CENPW: variants seen among roughly 807,000 people sequenced by gnomAD.
CENPW encodes the protein centromere protein W.
Under a neutral mutation model 11.1 loss-of-function variants are expected in CENPW, and 3 were observed. That is an observed-to-expected ratio of 0.27 (90% confidence interval 0.12 to 0.70). The LOEUF (loss-of-function observed/expected upper bound fraction) is 0.70, where lower values mean the gene tolerates loss of function less well. Among genes scored for constraint, CENPW ranks in the 30% least tolerant of loss-of-function variants. The pLI is 0.77. For synonymous variants in CENPW, 38 were observed against 42.0 expected (o/e 0.91, Z 0.37); for missense variants, 100 against 105.6 (o/e 0.95, Z 0.23).
the CENPW span, among the ~76,000 whole-genome samples, chr6:126,365,935 T>C: frequency 6.6e-5 from 10 of 152,234 alleles, no homozygotes; most frequent in African/African-American, 2.4e-4. Flanking sequence ...AAGCAGTTTG[T>C]TCTTAGTGGG....
At chr6:126,417,883 T>C in the CENPW span, among the ~76,000 whole-genome samples, 3 of 152,360 alleles carry the variant, frequency 2.0e-5, no homozygotes, top group East Asian at 5.8e-4. Context: ...TAAAGACATG[T>C]ATCCAGAATA....
chr6:126,434,147 A>G, the CENPW span, among the ~76,000 whole-genome samples: 7 of 152,114 alleles, frequency 4.6e-5, no homozygotes, highest in Non-Finnish European at 7.4e-5. Flanking sequence ...GTTCCAGGAA[A>G]TTCACATTTG....
the CENPW span, among the ~76,000 whole-genome samples, chr6:126,382,730 C>A: frequency 6.6e-6 from 1 of 151,784 alleles, no homozygotes; most frequent in East Asian, 1.9e-4. Flanking sequence ...AGATAGTTAA[C>A]AAGAATAAAA....
the CENPW span, among the ~76,000 whole-genome samples, chr6:126,401,880 T>G: frequency 6.6e-6 from 1 of 152,076 alleles, no homozygotes. Flanking sequence ...TGTTCTATAC[T>G]CTCAGCTGGT....
the CENPW span, among the ~76,000 whole-genome samples, chr6:126,388,516 C>A: frequency 6.6e-6 from 1 of 151,980 alleles, no homozygotes; most frequent in African/African-American, 2.4e-5. Context: ...GGATAACACA[C>A]AGGACATTTG....
At chr6:126,465,225 T>G in the CENPW span, among the ~76,000 whole-genome samples, 1 of 152,142 alleles carries the variant, frequency 6.6e-6, no homozygotes, top group Non-Finnish European at 1.5e-5. Context: ...TTAAAAATTT[T>G]AACTAAAATT....
chr6:126,432,655 T>A, the CENPW span, among the ~76,000 whole-genome samples: 1 of 152,128 alleles, frequency 6.6e-6, no homozygotes, highest in Non-Finnish European at 1.5e-5. Context: ...TTGGCCAAAG[T>A]CTATGGACCT....
At chr6:126,394,408 T>G in the CENPW span, among the ~76,000 whole-genome samples, 1 of 152,132 alleles carries the variant, frequency 6.6e-6, no homozygotes, top group East Asian at 1.9e-4. Flanking sequence ...AACAAACAAC[T>G]AACTGGCAAA....
chr6:126,383,328 G>C, the CENPW span, among the ~76,000 whole-genome samples: 1 of 152,078 alleles, frequency 6.6e-6, no homozygotes, highest in African/African-American at 2.4e-5. Flanking sequence ...ACACACTTCA[G>C]TACATAGACC....
chr6:126,366,554 T>C, the CENPW span, among the ~76,000 whole-genome samples: 2 of 152,196 alleles, frequency 1.3e-5, no homozygotes, highest in African/African-American at 4.8e-5. Context: ...GAATAATACC[T>C]TTATGAGTGC....
At chr6:126,352,898 T>C (rs576040282), downstream of CENPW, among the ~76,000 whole-genome samples, 9 of 152,262 alleles carry the variant, frequency 5.9e-5, no homozygotes, top group South Asian at 2.1e-4. Flanking sequence ...TATTCTTTAT[T>C]ACTCTAGTTA....
the CENPW span, among the ~76,000 whole-genome samples, chr6:126,480,514 A>G: frequency 2.0e-3 from 311 of 152,142 alleles, no homozygotes; most frequent in African/African-American, 6.7e-3. Context: ...ACCAAGAGTT[A>G]GTTGGAAATC....
chr6:126,440,604 A>G, the CENPW span, among the ~76,000 whole-genome samples: 1 of 151,662 alleles, frequency 6.6e-6, no homozygotes, highest in Admixed American at 6.6e-5. Flanking sequence ...ATAGATGTCT[A>G]CAGAAGAAAA....
At chr6:126,388,838 GCTT>G in the CENPW span, among the ~76,000 whole-genome samples, 54 of 152,014 alleles carry the variant, frequency 3.6e-4, no homozygotes, top group African/African-American at 1.2e-3. Flanking sequence ...TAGATTTTAA[GCTT>G]CTTGAGGGTA....
At chr6:126,371,881 G>T in the CENPW span, among the ~76,000 whole-genome samples, 14 of 152,080 alleles carry the variant, frequency 9.2e-5, no homozygotes, top group Admixed American at 8.5e-4. Context: ...GTTCATAGTA[G>T]CCTTGAACAA....
chr6:126,370,038 C>T, the CENPW span, among the ~76,000 whole-genome samples: 28 of 152,116 alleles, frequency 1.8e-4, no homozygotes, highest in Non-Finnish European at 3.1e-4. Flanking sequence ...TGTCCTTTCC[C>T]CACTTTATGT....
At chr6:126,478,441 T>G in the CENPW span, among the ~76,000 whole-genome samples, 1 of 151,382 alleles carries the variant, frequency 6.6e-6, no homozygotes, top group African/African-American at 2.4e-5. Flanking sequence ...TCTGTGGGCG[T>G]GTGTATAAAG....
chr6:126,399,473 C>T, the CENPW span, among the ~76,000 whole-genome samples: 17 of 151,900 alleles, frequency 1.1e-4, no homozygotes, highest in African/African-American at 3.6e-4. Flanking sequence ...ATCTATTTTA[C>T]GAAGTTGATC....
the CENPW span, among the ~76,000 whole-genome samples, chr6:126,437,048 T>C: frequency 6.6e-6 from 1 of 151,730 alleles, no homozygotes; most frequent in African/African-American, 2.4e-5. Flanking sequence ...GGGTGTGACT[T>C]GCTAATTGGT....
Sources: gnomAD v4.1 joint callset for allele counts (sites outside exome capture counted in the v4.1 genomes callset) on GRCh38, gnomAD v4.1.1 for gene constraint, MANE v1.5 for transcripts, NCBI Gene and HGNC (gene_info 2026-07-23, HGNC 2026-07-21) for gene names.